The following SLC25A26 variants were observed in gnomAD, a reference collection of about 807,000 sequenced individuals.
SLC25A26 encodes mitochondrial S-adenosylmethionine carrier protein.
SLC25A26 carries 36 observed loss-of-function variants against 37.8 expected under a neutral mutation model. The ratio of observed to expected loss-of-function variants is 0.95; its 90% CI spans 0.73 to 1.26. SLC25A26 has a LOEUF of 1.26. SLC25A26 is among the 50% of genes most tolerant of loss of function. The pLI, the probability that SLC25A26 is intolerant of heterozygous loss-of-function variation, is 0.00. For missense variants in SLC25A26, 390 were observed against 331.1 expected (o/e 1.18, Z -1.38); for synonymous variants, 129 against 122.5 (o/e 1.05, Z -0.35).
At chr3:66,176,876 T>C (rs1260725125) in intron 1 of SLC25A26, among the ~76,000 whole-genome samples, 1 of 152,190 alleles carries the variant, frequency 6.6e-6, no homozygotes, top group Non-Finnish European at 1.5e-5. Context: ...GAAATCGACC[T>C]TCTTCCCAGA....
chr3:66,311,119 C>T (rs560230391), intron 5 of SLC25A26, among the ~76,000 whole-genome samples: 7 of 152,232 alleles, frequency 4.6e-5, no homozygotes, highest in African/African-American at 7.2e-5. Context: ...CTGTCACTTT[C>T]GGGTACACCA....
intron 1 of SLC25A26, among the ~76,000 whole-genome samples, chr3:66,209,901 TATATATATATATATA>T (rs2071258454): frequency 8.3e-4 from 12 of 14,484 alleles, no homozygotes; most frequent in Non-Finnish European, 1.5e-3. Flanking sequence ...TCTCTATTTA[TATATATATATATATA>T]TATATATATA....
intron 1 of SLC25A26, among the ~76,000 whole-genome samples, chr3:66,162,604 G>C (rs1016004631): frequency 6.6e-6 from 1 of 152,152 alleles, no homozygotes; most frequent in Admixed American, 6.5e-5. Flanking sequence ...GAATCATGGA[G>C]GTCTTTGTCA....
At position 66,221,046 on chromosome 3, in the gene SLC25A26, C is replaced by G; in HGVS notation, c.-49C>G. 1.3e-6 allele frequency: 2 copies of G among 1,533,912 alleles called. No homozygotes were observed. The highest frequency in any genetic ancestry group is 1.7e-6 in the Non-Finnish European group (2 of 1,144,468). On this transcript the variant is annotated 5_prime_UTR_variant, in exon 1 of 10. It adds an upstream start codon to the 5' untranslated region. Coordinates refer to ENST00000354883, the MANE Select transcript of SLC25A26 (RefSeq NM_001379210.1). The stretch of plus-strand genomic sequence containing the variant: ...GGCGCCCAGCGCGCGAGGACGTGAT[C>G]CGCTTCTGCTCCGGCTTGGATTGTA...
At chr3:66,284,912 A>T (rs908977676) in intron 5 of SLC25A26, among the ~76,000 whole-genome samples, 1 of 152,246 alleles carries the variant, frequency 6.6e-6, no homozygotes, top group African/African-American at 2.4e-5. Flanking sequence ...ATTTTTCAAC[A>T]TAAAAGGATA....
At chr3:66,306,005 G>C (rs2075210104) in intron 5 of SLC25A26, among the ~76,000 whole-genome samples, 1 of 151,508 alleles carries the variant, frequency 6.6e-6, no homozygotes, top group Non-Finnish European at 1.5e-5. Flanking sequence ...TTTTTTTTGA[G>C]ATGGAGTCTC....
chr3:66,345,317 C>G (rs1332665151), intron 5 of SLC25A26, among the ~76,000 whole-genome samples: 1 of 152,084 alleles, frequency 6.6e-6, no homozygotes, highest in Non-Finnish European at 1.5e-5. Flanking sequence ...TGCTCTGTTC[C>G]TGGAGACCTG....
At chr3:66,228,768 TCTA>T (rs1453155974) in intron 1 of SLC25A26, among the ~76,000 whole-genome samples, 3 of 152,250 alleles carry the variant, frequency 2.0e-5, no homozygotes, top group Admixed American at 6.5e-5. Context: ...AATTTTATAT[TCTA>T]CTTTAAAAAA....
intron 1 of SLC25A26, among the ~76,000 whole-genome samples, chr3:66,167,567 C>T (rs143781072): frequency 1.3e-5 from 2 of 152,106 alleles, no homozygotes; most frequent in East Asian, 3.9e-4. Flanking sequence ...AATATGATAA[C>T]TATAATAGTT....
rs1335823181 is a variant in SLC25A26 at position 66,254,520 on chromosome 3, A to G, written c.301-7531A>G. 2.6e-5 allele frequency among the ~76,000 whole-genome samples: 4 copies of G among 152,208 alleles called. No homozygotes were observed. In the East Asian group the frequency reaches 5.8e-4, roughly 22 times the overall value. ...GATGAAGCTTTGAGTGGCTCTGTTC[A>G]GTGTATTGTTAAATTTCTGTTGAAT... On this transcript the variant is annotated intron_variant, in intron 3 of 9. Coordinates refer to ENST00000354883, the MANE Select transcript of SLC25A26 (RefSeq NM_001379210.1).
At chr3:66,161,982 A>G (rs1357581439) in intron 1 of SLC25A26, among the ~76,000 whole-genome samples, 1 of 152,214 alleles carries the variant, frequency 6.6e-6, no homozygotes, top group Admixed American at 6.5e-5. Context: ...GCATGTTAGT[A>G]TGCTTGGGCT....
chr3:66,293,159 G>C (rs1307671060), intron 5 of SLC25A26: 1 of 151,836 alleles, frequency 6.6e-6, no homozygotes, highest in Admixed American at 6.6e-5. Flanking sequence ...CCTTGCACAG[G>C]GCCCATGCTA....
At chr3:66,158,754 A>C (rs1373278061) in intron 1 of SLC25A26, among the ~76,000 whole-genome samples, 1 of 152,142 alleles carries the variant, frequency 6.6e-6, no homozygotes, top group South Asian at 2.1e-4. Flanking sequence ...GGGCAGAGGG[A>C]AGAAGGGAGA....
chr3:66,374,790 A>C (rs1362327034), intron 9 of SLC25A26, among the ~76,000 whole-genome samples: 2 of 152,070 alleles, frequency 1.3e-5, no homozygotes, highest in African/African-American at 2.4e-5. Flanking sequence ...CTGAGGTGGG[A>C]GGGTCACCTG....
chr3:66,195,080 C>T (rs2071022353), intron 1 of SLC25A26, among the ~76,000 whole-genome samples: 2 of 152,200 alleles, frequency 1.3e-5, no homozygotes, highest in African/African-American at 4.8e-5. Flanking sequence ...TTTAATGCAC[C>T]CGGAATCCTG....
intron 1 of SLC25A26, among the ~76,000 whole-genome samples, chr3:66,148,409 G>A (rs1036057394): frequency 3.9e-5 from 6 of 152,320 alleles, no homozygotes; most frequent in Non-Finnish European, 8.8e-5. Flanking sequence ...TGTTTCCAGA[G>A]CCTGGGGAAA....
intron 5 of SLC25A26, among the ~76,000 whole-genome samples, chr3:66,345,432 C>G (rs1204612298): frequency 1.3e-5 from 2 of 151,826 alleles, no homozygotes; most frequent in African/African-American, 4.8e-5. Flanking sequence ...CTCCTCCCTC[C>G]TCTTTTCTCC....
At chr3:66,315,355 A>G (rs2075508447) in intron 5 of SLC25A26, among the ~76,000 whole-genome samples, 1 of 152,048 alleles carries the variant, frequency 6.6e-6, no homozygotes, top group Non-Finnish European at 1.5e-5. Context: ...TAACTTCTTG[A>G]TTTCTGCCTT....
chr3:66,236,301 A>G (rs1255662113), intron 1 of SLC25A26, among the ~76,000 whole-genome samples: 2 of 150,136 alleles, frequency 1.3e-5, no homozygotes, highest in Admixed American at 1.3e-4. Context: ...TTTTTTTATT[A>G]AAAATTGATT....
Sources: gnomAD v4.1 joint callset for allele counts (sites outside exome capture counted in the v4.1 genomes callset) on GRCh38, gnomAD v4.1.1 for gene constraint, MANE v1.5 for transcripts, NCBI Gene and HGNC (gene_info 2026-07-23, HGNC 2026-07-21) for gene names.